The following CFAP54 variants were observed in gnomAD, a reference collection of about 807,000 sequenced individuals.
CFAP54 encodes the protein cilia- and flagella-associated protein 54.
Under a neutral mutation model 370.4 loss-of-function variants are expected in CFAP54, and 290 were observed. The ratio of observed to expected loss-of-function variants is 0.78; its 90% CI spans 0.71 to 0.86. The LOEUF (loss-of-function observed/expected upper bound fraction) is 0.86, where lower values mean the gene tolerates loss of function less well. CFAP54 is among the 40% of genes least tolerant of loss of function. The pLI, the probability that CFAP54 is intolerant of heterozygous loss-of-function variation, is 0.00. For missense variants in CFAP54, 3,399 were observed against 3,528.7 expected, an observed-to-expected ratio of 0.96 and a Z score of 0.93; for synonymous variants, 1,206 against 1,236.5, an observed-to-expected ratio of 0.98 and a Z score of 0.52.
At chr12:96,859,101 A>G (rs1263051700) in intron 66 of CFAP54, among the ~76,000 whole-genome samples, 1 of 152,212 alleles carries the variant, frequency 6.6e-6, no homozygotes, top group East Asian at 1.9e-4. Context: ...AAATGTTGCC[A>G]CATACCTATG....
intron 26 of CFAP54, among the ~76,000 whole-genome samples, chr12:96,615,698 G>T (rs1286162309): frequency 6.6e-6 from 1 of 151,868 alleles, no homozygotes; most frequent in Non-Finnish European, 1.5e-5. Context: ...AACAAGTGGA[G>T]GAAGGACATG....
chr12:96,641,064 A>G (rs1956722267), intron 32 of CFAP54, among the ~76,000 whole-genome samples: 1 of 152,190 alleles, frequency 6.6e-6, no homozygotes, highest in Admixed American at 6.5e-5. Context: ...AGAAAAGCCA[A>G]AATTGACAAA....
intron 32 of CFAP54, among the ~76,000 whole-genome samples, chr12:96,631,680 T>A: frequency 6.7e-6 from 1 of 149,580 alleles, no homozygotes; most frequent in East Asian, 1.9e-4. Flanking sequence ...ATAAATAACA[T>A]AATTTAACAT....
At chr12:96,756,355 A>G (rs1437227947) in intron 56 of CFAP54, 103 bp from the exon 57 acceptor site, 3 of 659,654 alleles carry the variant, frequency 4.5e-6, no homozygotes, top group Non-Finnish European at 7.7e-6. Context: ...ATACAAAAGG[A>G]CAGCACATCA....
chr12:96,529,710 TTATC>T (rs1363667504), intron 9 of CFAP54, among the ~76,000 whole-genome samples: 1 of 152,220 alleles, frequency 6.6e-6, no homozygotes, highest in Non-Finnish European at 1.5e-5. Context: ...TAGGAATTCT[TTATC>T]TATTCTGGAT....
chr12:96,527,032 A>G (rs1295114922), intron 8 of CFAP54, among the ~76,000 whole-genome samples: 1 of 151,572 alleles, frequency 6.6e-6, no homozygotes, highest in Non-Finnish European at 1.5e-5. Context: ...AGTAGCTGGG[A>G]CTACAAGCAC....
At chr12:96,490,133 T>C (rs143669951) in intron 1 of CFAP54, among the ~76,000 whole-genome samples, 1 of 152,292 alleles carries the variant, frequency 6.6e-6, no homozygotes, top group East Asian at 1.9e-4. Flanking sequence ...TATCTTGGCT[T>C]CCTGCTCAGG....
rs1955590453 is a variant in CFAP54 at position 96,542,744 on chromosome 12, T to C, written c.2077+1757T>C. 2.0e-5 allele frequency among the ~76,000 whole-genome samples: 3 copies of C among 152,200 alleles called. No homozygotes were observed. The South Asian group carries it at 6.2e-4, about 31-fold the overall frequency. ...GCCATTATTATTATATCTTACAAAA[T>C]GGGGAATAATTCCGATGTCCCTGAT... is the stretch of plus-strand genomic sequence containing the variant. On this transcript the variant is annotated intron_variant, in intron 14 of 67. Coordinates refer to ENST00000524981, the MANE Select transcript of CFAP54 (RefSeq NM_001306084.2).
intron 25 of CFAP54, 63 bp downstream of exon 25, chr12:96,594,509 T>C: frequency 7.8e-7 from 1 of 1,288,916 alleles, no homozygotes; most frequent in Admixed American, 2.6e-5. Context: ...CAATTCATTT[T>C]AGAAAAGAAA....
chr12:96,521,433 G>A (rs182117849), intron 6 of CFAP54, among the ~76,000 whole-genome samples: 1 of 152,234 alleles, frequency 6.6e-6, no homozygotes, highest in East Asian at 1.9e-4. Flanking sequence ...GATGGTCAAT[G>A]TGAACAGTTA....
intron 4 of CFAP54, among the ~76,000 whole-genome samples, chr12:96,511,737 G>A (rs1320389334): frequency 1.3e-5 from 2 of 152,232 alleles, no homozygotes; most frequent in African/African-American, 4.8e-5. Flanking sequence ...GCCTGCCTCA[G>A]CCTCCCAAAG....
chr12:96,521,717 A>T, intron 6 of CFAP54, 140 bp from the exon 7 acceptor site: 1 of 555,626 alleles, frequency 1.8e-6, no homozygotes, highest in Admixed American at 3.1e-5. Context: ...AAAATGATAG[A>T]CTGGATAAAA....
intron 32 of CFAP54, among the ~76,000 whole-genome samples, chr12:96,635,515 G>T (rs1956654765): frequency 6.6e-6 from 1 of 152,132 alleles, no homozygotes; most frequent in South Asian, 2.1e-4. Flanking sequence ...GCACTTCATG[G>T]AATTTCTCCT....
intron 19 of CFAP54, among the ~76,000 whole-genome samples, chr12:96,568,689 AT>A (rs1955885124): frequency 6.6e-6 from 1 of 152,186 alleles, no homozygotes; most frequent in Non-Finnish European, 1.5e-5. Flanking sequence ...GTGTCACCTG[AT>A]ATCATAAAAA....
intron 58 of CFAP54, among the ~76,000 whole-genome samples, chr12:96,760,025 A>G (rs1007291531): frequency 6.6e-6 from 1 of 152,154 alleles, no homozygotes; most frequent in Non-Finnish European, 1.5e-5. Flanking sequence ...ATGTACATTA[A>G]CCACTTTCTT....
At chr12:96,775,826 C>T (rs1289009147) in intron 60 of CFAP54, among the ~76,000 whole-genome samples, 1 of 152,178 alleles carries the variant, frequency 6.6e-6, no homozygotes, top group Non-Finnish European at 1.5e-5. Flanking sequence ...ACTGAGATCA[C>T]AAATATTGCT....
At chr12:96,647,617 A>C (rs995368651) in intron 33 of CFAP54, among the ~76,000 whole-genome samples, 1 of 152,016 alleles carries the variant, frequency 6.6e-6, no homozygotes, top group Non-Finnish European at 1.5e-5. Flanking sequence ...GAGCCGGCAC[A>C]GATATTTTTA....
At chr12:96,603,982 T>C (rs989488014) in intron 26 of CFAP54, among the ~76,000 whole-genome samples, 6 of 152,210 alleles carry the variant, frequency 3.9e-5, no homozygotes, top group African/African-American at 1.4e-4. Flanking sequence ...TCATTCTCCA[T>C]CTGGTTTTGT....
intron 38 of CFAP54, among the ~76,000 whole-genome samples, chr12:96,659,861 A>C (rs1362952): frequency 0.61 from 93,396 of 151,978 alleles, 29,125 homozygotes; most frequent in Middle Eastern, 0.73. Context: ...GCAAGGACTC[A>C]ATTTTCTTCT....
Sources: gnomAD v4.1 joint callset for allele counts (sites outside exome capture counted in the v4.1 genomes callset) on GRCh38, gnomAD v4.1.1 for gene constraint, MANE v1.5 for transcripts, NCBI Gene and HGNC (gene_info 2026-07-23, HGNC 2026-07-21) for gene names.